The following JPH1 variants were observed in gnomAD, a reference collection of about 807,000 sequenced individuals.
JPH1 encodes junctophilin-1.
JPH1 carries 12 observed loss-of-function variants against 53.6 expected under a neutral mutation model. The observed-to-expected ratio is 0.22, with a 90% CI of 0.14 to 0.36. JPH1 has a LOEUF of 0.36. JPH1 is among the 10% of genes least tolerant of loss of function. JPH1 has a pLI of 1.00. For synonymous variants in JPH1, 375 were observed against 363.8 expected (o/e 1.03, Z -0.35); for missense variants, 808 against 905.5 (o/e 0.89, Z 1.38).
Position 74,315,271 on chromosome 8 carries a change from C to G in JPH1, c.729G>C (p.Ala243=). Reference sequence around the variant, plus strand: ...CGCTGGAACTAATTCTGCTCATGGCCGCGTCGCTGCGGACAGAGCTGCGCT... The same window carrying G: ...CGCTGGAACTAATTCTGCTCATGGCGGCGTCGCTGCGGACAGAGCTGCGCT... The part of the protein sequence containing the change: ...SSKRSSVRSD[A]AMSRISSSDA... The change falls in exon 2 of 6, where the codon GCG becomes GCC. Residue 243 remains alanine (A), a synonymous_variant. Transcript: ENST00000342232. The surrounding 1 kb of genome is among the most constrained non-coding windows in gnomAD (Gnocchi z 6.3). 1 of 1,614,176 alleles carries G rather than the reference C, an allele frequency of 6.2e-7. No individual in the cohort carries two copies. The highest frequency in any genetic ancestry group is 8.5e-7 in the Non-Finnish European group (1 of 1,180,050).
chr8:74,314,782 G>T, intron 2 of JPH1, 79 bp downstream of exon 2: 1 of 1,484,644 alleles, frequency 6.7e-7, no homozygotes, highest in Non-Finnish European at 9.2e-7. Flanking sequence ...CGATGTCACT[G>T]GCAGATAGAC....
intron 2 of JPH1, among the ~76,000 whole-genome samples, chr8:74,301,130 C>A (rs778482483): frequency 1.3e-5 from 2 of 152,186 alleles, no homozygotes; most frequent in African/African-American, 2.4e-5. Flanking sequence ...TCAAGTCCTG[C>A]TAATTTTATC....
At chr8:74,242,982 CT>C (rs1413491564) in intron 4 of JPH1, among the ~76,000 whole-genome samples, 3 of 152,192 alleles carry the variant, frequency 2.0e-5, no homozygotes, top group African/African-American at 4.8e-5. Flanking sequence ...TTTTTTCCCC[CT>C]ATCACAGCCT....
chr8:74,246,362 C>T (rs1001955332), intron 3 of JPH1, among the ~76,000 whole-genome samples: 3 of 152,206 alleles, frequency 2.0e-5, no homozygotes, highest in Non-Finnish European at 2.9e-5. Flanking sequence ...GACAAACTCA[C>T]TAACTCACTA....
intron 2 of JPH1, among the ~76,000 whole-genome samples, chr8:74,267,865 G>A (rs1480521908): frequency 6.6e-6 from 1 of 152,168 alleles, no homozygotes; most frequent in Non-Finnish European, 1.5e-5. Flanking sequence ...GACAATTGCT[G>A]GAGTTAAGTG....
chr8:74,262,797 C>T (rs1029973477), intron 2 of JPH1, among the ~76,000 whole-genome samples: 16 of 152,218 alleles, frequency 1.1e-4, no homozygotes, highest in Admixed American at 1.0e-3. Context: ...GCTGGTTATG[C>T]TCACTGAGCA....
chr8:74,270,625 T>C (rs144115020), intron 2 of JPH1, among the ~76,000 whole-genome samples: 3 of 152,320 alleles, frequency 2.0e-5, no homozygotes, highest in African/African-American at 2.4e-5. Context: ...GATAAAAATA[T>C]TTAATTTTCC....
intron 3 of JPH1, among the ~76,000 whole-genome samples, chr8:74,249,799 G>T (rs962417492): frequency 6.6e-6 from 1 of 152,114 alleles, no homozygotes; most frequent in African/African-American, 2.4e-5. Flanking sequence ...TTTGATTTCT[G>T]AAGTCTTCTA....
At chr8:74,310,501 T>C (rs1807961557) in intron 2 of JPH1, among the ~76,000 whole-genome samples, 1 of 152,196 alleles carries the variant, frequency 6.6e-6, no homozygotes, top group South Asian at 2.1e-4. Context: ...CTAGAATCTA[T>C]TAACTCTATA....
intron 2 of JPH1, among the ~76,000 whole-genome samples, chr8:74,267,245 T>C (rs977553752): frequency 6.6e-6 from 1 of 152,012 alleles, no homozygotes; most frequent in Admixed American, 6.6e-5. Flanking sequence ...CAACGAAAGG[T>C]GGTTGAACTC....
At chr8:74,274,909 A>C (rs1275360592) in intron 2 of JPH1, among the ~76,000 whole-genome samples, 1 of 152,188 alleles carries the variant, frequency 6.6e-6, no homozygotes, top group Non-Finnish European at 1.5e-5. Flanking sequence ...AAATTATATG[A>C]TCATATTCAC....
chr8:74,293,971 G>T (rs1158163202), intron 2 of JPH1, among the ~76,000 whole-genome samples: 1 of 152,160 alleles, frequency 6.6e-6, no homozygotes, highest in Non-Finnish European at 1.5e-5. Flanking sequence ...CTTTTGTAGA[G>T]CGCAGACCAG....
At chr8:74,275,077 A>C (rs1806809161) in intron 2 of JPH1, among the ~76,000 whole-genome samples, 1 of 152,252 alleles carries the variant, frequency 6.6e-6, no homozygotes, top group African/African-American at 2.4e-5. Flanking sequence ...CCAAGCAAGT[A>C]GTAAATAACA....
chr8:74,271,855 A>G (rs2131407228), intron 2 of JPH1, among the ~76,000 whole-genome samples: 1 of 152,212 alleles, frequency 6.6e-6, no homozygotes, highest in South Asian at 2.1e-4. Flanking sequence ...TGTTGTTTGG[A>G]AGAATCACAT....
rs201210071 is a variant in JPH1 at position 74,285,939 on chromosome 8, ATCAC to A, written c.1140-26440_1140-26437del. On this transcript the variant is annotated intron_variant, in intron 2 of 5. Coordinates refer to ENST00000342232, the MANE Select transcript of JPH1 (RefSeq NM_020647.4). The stretch of plus-strand genomic sequence containing the variant: ...GTCAGCTGGAGTGAGGAGGAGATTT[ATCAC>A]TCAGTCTATACCATTTTGTACTTTA... Among the ~76,000 whole-genome samples the A allele has an allele frequency of 7.9e-5, 12 of 152,364 alleles. No homozygotes were observed. In the East Asian group the frequency reaches 2.3e-3, roughly 29 times the overall value.
chr8:74,321,365 G>T lies in JPH1; in HGVS notation c.-78C>A, dbSNP rs1203786733. On this transcript the variant is annotated 5_prime_UTR_variant, in exon 1 of 6. Transcript: ENST00000342232. This position sits in a 1 kb window ranked among gnomAD's most constrained non-coding sequence, Gnocchi z 4.3. Reference sequence around the variant, plus strand: ...TGGGCACGGCAGGGTGTAGCTCGGGGGTGGGGGCCCGGCGGGCGAGCTCAC... The same window carrying T: ...TGGGCACGGCAGGGTGTAGCTCGGGTGTGGGGGCCCGGCGGGCGAGCTCAC... 3.7e-6 allele frequency: 5 copies of T among 1,358,386 alleles called. No homozygotes were observed. In the East Asian group the frequency reaches 1.5e-4, roughly 41 times the overall value. The allele number at this position is 1,358,386 out of a possible 1,614,324, so 84.1% of individuals were successfully genotyped here.
chr8:74,250,919 G>A (rs902077491), intron 3 of JPH1, among the ~76,000 whole-genome samples: 6 of 152,312 alleles, frequency 3.9e-5, no homozygotes, highest in Non-Finnish European at 7.3e-5. Context: ...GACTCATGCT[G>A]ATACTACCAG....
intron 2 of JPH1, among the ~76,000 whole-genome samples, chr8:74,302,967 A>C (rs1429016858): frequency 6.6e-6 from 1 of 152,084 alleles, no homozygotes; most frequent in African/African-American, 2.4e-5. Context: ...AAGAAAAAAA[A>C]AAAAAAAAAC....
At chr8:74,278,018 C>T (rs1806898942) in intron 2 of JPH1, among the ~76,000 whole-genome samples, 1 of 152,026 alleles carries the variant, frequency 6.6e-6, no homozygotes, top group Non-Finnish European at 1.5e-5. Context: ...ATATAAAATC[C>T]TATTTCCCAT....
Sources: allele counts gnomAD v4.1 joint callset (sites outside exome capture counted in the v4.1 genomes callset), GRCh38; gene constraint gnomAD v4.1.1; non-coding constraint Gnocchi (gnomAD v3.1); transcripts MANE v1.5; gene names NCBI Gene and HGNC (gene_info 2026-07-23, HGNC 2026-07-21).